MATR3: variants seen among roughly 807,000 people sequenced by gnomAD.
The protein encoded by MATR3 is matrin-3.
MATR3 carries 4 observed loss-of-function variants against 85.5 expected under a neutral mutation model. The ratio of observed to expected loss-of-function variants is 0.05; its 90% confidence interval spans 0.02 to 0.11. The LOEUF is 0.11. Among genes scored for constraint, MATR3 ranks in the 10% least tolerant of loss-of-function variants. MATR3 has a pLI of 1.00. For missense variants in MATR3, 685 were observed against 1,016.1 expected (o/e 0.67, Z 4.43); for synonymous variants, 336 against 343.1 (o/e 0.98, Z 0.23).
intron 2 of MATR3, among the ~76,000 whole-genome samples, chr5:139,309,642 A>G (rs1754871309): frequency 6.6e-6 from 1 of 152,112 alleles, no homozygotes; most frequent in Non-Finnish European, 1.5e-5. Flanking sequence ...AAGAAGATGT[A>G]TTTTCATTAA....
intron 12 of MATR3, among the ~76,000 whole-genome samples, chr5:139,323,561 G>T (rs959825596): frequency 6.6e-6 from 1 of 152,214 alleles, no homozygotes; most frequent in African/African-American, 2.4e-5. Context: ...AGCTTAAGGA[G>T]TAGGGCATTA....
intron 1 of MATR3, among the ~76,000 whole-genome samples, chr5:139,297,617 G>A (rs1351997264): frequency 6.6e-6 from 1 of 152,142 alleles, no homozygotes; most frequent in Non-Finnish European, 1.5e-5. Flanking sequence ...GCTGTTATCT[G>A]ACCTAACCTG....
At chr5:139,281,238 G>T (rs558706726) in intron 3 of MATR3, among the ~76,000 whole-genome samples, 134 of 152,032 alleles carry the variant, frequency 8.8e-4, no homozygotes, top group African/African-American at 3.2e-3. Context: ...GCAGTGGTGT[G>T]GTCACAGCTC....
chr5:139,293,864 G>A, intron 1 of MATR3, 59 bp downstream of exon 1: 2 of 643,272 alleles, frequency 3.1e-6, no homozygotes, highest in East Asian at 3.4e-5. Flanking sequence ...CGTGTCCGCC[G>A]GGAGGGGACA....
chr5:139,296,641 T>C (rs1166734961), intron 1 of MATR3, among the ~76,000 whole-genome samples: 1 of 152,228 alleles, frequency 6.6e-6, no homozygotes, highest in East Asian at 1.9e-4. Context: ...AAAGTAGTGC[T>C]TGTGTAACAT....
Position 139,326,248 on chromosome 5 carries a change from T to C in MATR3, c.2457T>C (p.Thr819=), listed in dbSNP as rs779502232. The stretch of plus-strand genomic sequence containing the variant: ...CAAATGAAGAAGTTGCAAAGAATAC[T>C]CATTGCAGCAGCCTTCCTCATTATC... The part of the protein sequence containing the change: ...FYTNEEVAKN[T]HCSSLPHYQK... The change falls in exon 14 of 15, where the codon ACT becomes ACC. Residue 819 remains threonine (T), a synonymous_variant. Transcript: ENST00000394805. The C allele has an allele frequency of 6.2e-7, 1 of 1,613,668 alleles. No homozygotes were observed. Among genetic ancestry groups the C allele is most frequent in the South Asian group, 1.1e-5 (1 of 91,074 alleles).
At chr5:139,302,381 T>G (rs1426910334) in intron 1 of MATR3, among the ~76,000 whole-genome samples, 1 of 152,104 alleles carries the variant, frequency 6.6e-6, no homozygotes, top group East Asian at 1.9e-4. Flanking sequence ...AGGAAAAAAA[T>G]GTAGTTCTTC....
chr5:139,303,227 A>G (rs1754542969), intron 1 of MATR3, among the ~76,000 whole-genome samples: 1 of 152,086 alleles, frequency 6.6e-6, no homozygotes, highest in Admixed American at 6.6e-5. Context: ...TTAGCCTCCC[A>G]CGTAGGTGGG....
At chr5:139,275,142 A>ATTTTTTTTTTTT (rs750841386) in intron 1 of MATR3, among the ~76,000 whole-genome samples, 10 of 40,910 alleles carry the variant, frequency 2.4e-4, no homozygotes, top group Non-Finnish European at 4.0e-4. Flanking sequence ...CGCCCGGCTA[A>ATTTTTTTTTTTT]TTTTTTTTTT....
chr5:139,316,696 T>C (rs1472479245), intron 5 of MATR3, among the ~76,000 whole-genome samples: 3 of 152,064 alleles, frequency 2.0e-5, no homozygotes, highest in African/African-American at 7.2e-5. Context: ...ATTACAAGTA[T>C]GTGCCACCAC....
upstream of MATR3, among the ~76,000 whole-genome samples, chr5:139,290,579 C>T (rs1480040636): frequency 6.6e-6 from 1 of 150,632 alleles, no homozygotes; most frequent in Non-Finnish European, 1.5e-5. Context: ...CCCGGAGTAG[C>T]TGGGACTACA....
intron 1 of MATR3, among the ~76,000 whole-genome samples, chr5:139,299,014 C>A (rs925066052): frequency 2.6e-5 from 4 of 152,008 alleles, no homozygotes. Context: ...TTCAGAAATG[C>A]AAAAATAACA....
At chr5:139,305,911 A>AT (rs1754683105) in intron 1 of MATR3, among the ~76,000 whole-genome samples, 1 of 152,128 alleles carries the variant, frequency 6.6e-6, no homozygotes, top group African/African-American at 2.4e-5. Context: ...TGTCCATTGT[A>AT]TCCTTGCTTT....
intron 2 of MATR3, chr5:139,313,912 TG>T (rs910061421): frequency 3.9e-5 from 6 of 152,256 alleles, no homozygotes; most frequent in Non-Finnish European, 7.3e-5. Flanking sequence ...TTTTTGTTTT[TG>T]TTTTTGTTTT....
At chr5:139,298,001 A>G (rs892303090) in intron 1 of MATR3, among the ~76,000 whole-genome samples, 1 of 152,184 alleles carries the variant, frequency 6.6e-6, no homozygotes, top group African/African-American at 2.4e-5. Context: ...GCCTATGGTA[A>G]ATGTCTTAGT....
At chr5:139,318,843 T>C (rs1755393141) in intron 7 of MATR3, 65 bp from the exon 8 acceptor site, 36 of 1,507,586 alleles carry the variant, frequency 2.4e-5, no homozygotes, top group Non-Finnish European at 3.0e-5. Context: ...GGAAAAAAAA[T>C]CTTTAGTTCA....
At chr5:139,300,296 C>T (rs1025854960) in intron 1 of MATR3, among the ~76,000 whole-genome samples, 3 of 152,238 alleles carry the variant, frequency 2.0e-5, no homozygotes, top group Non-Finnish European at 4.4e-5. Context: ...ACCCGAGAGG[C>T]GGAGGTTGCA....
intron 14 of MATR3, among the ~76,000 whole-genome samples, chr5:139,329,002 C>G (rs572302094): frequency 2.0e-5 from 3 of 151,568 alleles, no homozygotes; most frequent in Non-Finnish European, 4.4e-5. Context: ...AAAACTCTCC[C>G]TCAAAAAAAA....
rs1256740666 is a variant in MATR3, at chr5:139,286,570, C to G, written c.-178+7441C>G. 2.0e-5 allele frequency among the ~76,000 whole-genome samples: 3 copies of G among 151,672 alleles called. No homozygotes were observed. In the East Asian group the frequency reaches 5.9e-4, roughly 30 times the overall value. ...TAGGAATAATGGTACGTTGGCCAGG[C>G]ACAGTGGCTCACACCTGTAATCCCA... On this transcript the variant is annotated intron_variant, in intron 3 of 16. Transcript: ENST00000509990.
Sources: gnomAD v4.1 joint callset for allele counts (sites outside exome capture counted in the v4.1 genomes callset) on GRCh38, gnomAD v4.1.1 for gene constraint, MANE v1.5 for transcripts, NCBI Gene and HGNC (gene_info 2026-07-23, HGNC 2026-07-21) for gene names.